The following STARD13 variants were observed in gnomAD, a reference collection of about 807,000 sequenced individuals.
STARD13 encodes the protein stAR-related lipid transfer protein 13.
STARD13 carries 62 observed loss-of-function variants against 106.4 expected under a neutral mutation model. The observed-to-expected ratio is 0.58, with a 90% CI of 0.48 to 0.72. The LOEUF (loss-of-function observed/expected upper bound fraction) is 0.72, where lower values mean the gene tolerates loss of function less well. Ranked by LOEUF, STARD13 falls within the 30% of genes least tolerant of loss-of-function variation. STARD13 has a pLI of 0.00. For missense variants in STARD13, 1,387 were observed against 1,424.0 expected (o/e 0.97, Z 0.42); for synonymous variants, 565 against 553.0 (o/e 1.02, Z -0.31).
chr13:33,355,162 C>A (rs1453946191), upstream of STARD13: 1 of 152,110 alleles, frequency 6.6e-6, no homozygotes, highest in Non-Finnish European at 1.5e-5. Flanking sequence ...TTTTCTCCTT[C>A]TCTTACTGCT....
chr13:33,249,469 C>T (rs955537010), intron 1 of STARD13, among the ~76,000 whole-genome samples: 1 of 152,234 alleles, frequency 6.6e-6, no homozygotes, highest in Non-Finnish European at 1.5e-5. Flanking sequence ...GACTCCACCT[C>T]CTTTCTTTGA....
chr13:33,364,514 T>G, the STARD13 span, among the ~76,000 whole-genome samples: 2 of 152,216 alleles, frequency 1.3e-5, no homozygotes, highest in Non-Finnish European at 2.9e-5. Flanking sequence ...AATATTTTTT[T>G]AAATGTCCCA....
At chr13:33,325,575 T>A (rs1435556932) in intron 1 of STARD13, among the ~76,000 whole-genome samples, 1 of 152,104 alleles carries the variant, frequency 6.6e-6, no homozygotes, top group Non-Finnish European at 1.5e-5. Context: ...ATCCAAATGT[T>A]ACACTCCAAA....
chr13:33,461,535 G>A, the STARD13 span, among the ~76,000 whole-genome samples: 2 of 152,126 alleles, frequency 1.3e-5, no homozygotes, highest in East Asian at 1.9e-4. Flanking sequence ...TTTCAGATTT[G>A]TGCCTTTTCC....
chr13:33,314,829 G>C (rs577485012), intron 1 of STARD13, among the ~76,000 whole-genome samples: 1 of 152,214 alleles, frequency 6.6e-6, no homozygotes, highest in East Asian at 1.9e-4. Flanking sequence ...ATTTAATAAT[G>C]AGCAATCAAG....
chr13:33,609,569 C>CT, the STARD13 span, among the ~76,000 whole-genome samples: 2,472 of 141,682 alleles, frequency 0.017, 32 homozygotes, highest in African/African-American at 0.031. Flanking sequence ...TTCTTTCTTT[C>CT]TTTTTTTTTT....
chr13:33,464,519 T>C, the STARD13 span, among the ~76,000 whole-genome samples: 1 of 152,138 alleles, frequency 6.6e-6, no homozygotes, highest in African/African-American at 2.4e-5. Flanking sequence ...TATGCTACTA[T>C]TGCATAATAA....
intron 1 of STARD13, among the ~76,000 whole-genome samples, chr13:33,217,653 G>T (rs1473208463): frequency 6.6e-6 from 1 of 152,192 alleles, no homozygotes; most frequent in Non-Finnish European, 1.5e-5. Flanking sequence ...AAAACAGGAA[G>T]ATACAAGATA....
chr13:33,607,404 T>G, the STARD13 span, among the ~76,000 whole-genome samples: 1 of 151,844 alleles, frequency 6.6e-6, no homozygotes, highest in African/African-American at 2.4e-5. Flanking sequence ...TTCAAATGAT[T>G]CTCCTGCCTC....
chr13:33,316,926 C>A (rs542093103), intron 1 of STARD13, among the ~76,000 whole-genome samples: 2 of 152,254 alleles, frequency 1.3e-5, no homozygotes, highest in South Asian at 2.1e-4. Context: ...CTTTCTCGAC[C>A]TCTCAGAAGT....
intron 10 of STARD13, 75 bp downstream of exon 10, chr13:33,111,703 T>C (rs1874594181): frequency 1.8e-5 from 16 of 879,168 alleles, no homozygotes; most frequent in Non-Finnish European, 3.1e-5. Flanking sequence ...AAACCATAAA[T>C]GTAGCAACAA....
intron 7 of STARD13, among the ~76,000 whole-genome samples, chr13:33,124,643 C>T (rs1216295340): frequency 3.9e-5 from 6 of 152,036 alleles, no homozygotes; most frequent in East Asian, 1.9e-4. Flanking sequence ...TCAGAAGCTA[C>T]GGGGGGCAGG....
chr13:33,262,545 G>A (rs369305637), intron 1 of STARD13, among the ~76,000 whole-genome samples: 249 of 152,120 alleles, frequency 1.6e-3, no homozygotes, highest in African/African-American at 5.7e-3. Context: ...GTTTGCAGGA[G>A]GAGAAAACAA....
the STARD13 span, among the ~76,000 whole-genome samples, chr13:33,412,201 G>C: frequency 6.6e-6 from 1 of 152,122 alleles, no homozygotes; most frequent in Non-Finnish European, 1.5e-5. Context: ...TAAAAATGGA[G>C]GAGAGGAAAG....
intron 1 of STARD13, among the ~76,000 whole-genome samples, chr13:33,204,262 C>T (rs1237559528): frequency 1.3e-5 from 2 of 151,924 alleles, no homozygotes; most frequent in Admixed American, 1.3e-4. Context: ...ATGATTCCTT[C>T]ACATGCAGAT....
the STARD13 span, among the ~76,000 whole-genome samples, chr13:33,636,326 C>G: frequency 6.6e-6 from 1 of 152,070 alleles, no homozygotes; most frequent in Non-Finnish European, 1.5e-5. Context: ...TCCCTGCTCT[C>G]CTAGAAAGGG....
intron 1 of STARD13, among the ~76,000 whole-genome samples, chr13:33,190,956 A>C (rs1886215867): frequency 6.6e-6 from 1 of 152,242 alleles, no homozygotes; most frequent in African/African-American, 2.4e-5. Flanking sequence ...AAAAAAACCC[A>C]AAATATCAGC....
chr13:33,543,135 AG>A, the STARD13 span, among the ~76,000 whole-genome samples: 1 of 152,184 alleles, frequency 6.6e-6, no homozygotes, highest in Non-Finnish European at 1.5e-5. Flanking sequence ...GGTCATTCTC[AG>A]TCTTCCCCGT....
At chr13:33,451,121 C>T in the STARD13 span, among the ~76,000 whole-genome samples, 1 of 152,124 alleles carries the variant, frequency 6.6e-6, no homozygotes, top group East Asian at 1.9e-4. Context: ...CTCAAGCAAT[C>T]CTTCCACCTC....
Sources: gnomAD v4.1 joint callset for allele counts (sites outside exome capture counted in the v4.1 genomes callset) on GRCh38, gnomAD v4.1.1 for gene constraint, MANE v1.5 for transcripts, NCBI Gene and HGNC (gene_info 2026-07-23, HGNC 2026-07-21) for gene names.